The following SCARB1 variants were observed in gnomAD, a reference collection of about 807,000 sequenced individuals.
SCARB1 encodes scavenger receptor class B member 1.
In SCARB1, 30 loss-of-function variants were observed where a neutral mutation model predicts 57.2. The observed-to-expected ratio is 0.52, with a 90% CI of 0.39 to 0.71. SCARB1 has a LOEUF of 0.71. SCARB1 is among the 30% of genes least tolerant of loss of function. The pLI, the probability that SCARB1 is intolerant of heterozygous loss-of-function variation, is 0.00. For synonymous variants in SCARB1, 249 were observed against 268.3 expected (o/e 0.93, Z 0.70); for missense variants, 543 against 671.2 (o/e 0.81, Z 2.11).
At chr12:124,781,140 C>T (rs1437436247) in intron 12 of SCARB1, among the ~76,000 whole-genome samples, 2 of 152,234 alleles carry the variant, frequency 1.3e-5, no homozygotes, top group Non-Finnish European at 2.9e-5. Context: ...ACAGGAAGGG[C>T]GCCCCAGAGC....
At chr12:124,838,724 G>A (rs1320422124) in intron 1 of SCARB1, among the ~76,000 whole-genome samples, 1 of 150,384 alleles carries the variant, frequency 6.6e-6, no homozygotes, top group African/African-American at 2.4e-5. Context: ...GTTAAACCCT[G>A]CCACAGTTTT....
intron 1 of SCARB1, among the ~76,000 whole-genome samples, chr12:124,852,444 C>T (rs907039559): frequency 3.9e-5 from 6 of 152,212 alleles, no homozygotes; most frequent in African/African-American, 1.2e-4. Context: ...CGGAGAAACA[C>T]GCCCGGCAGG....
chr12:124,824,674 C>A (rs542593579), intron 1 of SCARB1, among the ~76,000 whole-genome samples: 34 of 152,294 alleles, frequency 2.2e-4, no homozygotes, highest in Admixed American at 4.6e-4. Flanking sequence ...CTGTGCACAG[C>A]GGGGGTCAGG....
chr12:124,790,554 C>G (rs1949688137), intron 9 of SCARB1, among the ~76,000 whole-genome samples: 1 of 152,192 alleles, frequency 6.6e-6, no homozygotes, highest in Non-Finnish European at 1.5e-5. Flanking sequence ...TCCTTTCAGA[C>G]TTCAGACTCC....
At chr12:124,815,836 A>G (rs749390127) in intron 2 of SCARB1, among the ~76,000 whole-genome samples, 1 of 152,180 alleles carries the variant, frequency 6.6e-6, no homozygotes, top group Non-Finnish European at 1.5e-5. Context: ...ACCGCACTCC[A>G]ACCTGGGTGA....
intron 2 of SCARB1, among the ~76,000 whole-genome samples, chr12:124,815,586 T>C (rs1950680099): frequency 6.6e-6 from 1 of 152,094 alleles, no homozygotes; most frequent in Non-Finnish European, 1.5e-5. Context: ...GGAAATCAGG[T>C]CGGGAGCAGT....
intron 1 of SCARB1, among the ~76,000 whole-genome samples, 185 bp downstream of exon 1, chr12:124,863,410 G>C (rs1045468990): frequency 6.6e-6 from 1 of 152,180 alleles, no homozygotes; most frequent in East Asian, 1.9e-4. Context: ...GGGGCGGTGA[G>C]GGTGGTGGGG....
chr12:124,811,598 A>G (rs909085512), intron 5 of SCARB1, among the ~76,000 whole-genome samples: 5 of 152,166 alleles, frequency 3.3e-5, no homozygotes, highest in Admixed American at 2.6e-4. Flanking sequence ...GTAAGTAAAG[A>G]ATCGAAAGGA....
chr12:124,780,626 C>G (rs983655491), intron 12 of SCARB1, among the ~76,000 whole-genome samples: 3 of 152,230 alleles, frequency 2.0e-5, no homozygotes, highest in African/African-American at 7.2e-5. Context: ...CTGGGCTGGG[C>G]TCCAGACCTT....
chr12:124,779,914 T>C (rs1186116254), intron 12 of SCARB1, among the ~76,000 whole-genome samples: 1 of 152,102 alleles, frequency 6.6e-6, no homozygotes, highest in African/African-American at 2.4e-5. Flanking sequence ...CACCACCCAC[T>C]GAGGCAGCAC....
chr12:124,799,576 C>T (rs1208834022), intron 8 of SCARB1, among the ~76,000 whole-genome samples: 1 of 151,846 alleles, frequency 6.6e-6, no homozygotes, highest in Non-Finnish European at 1.5e-5. Flanking sequence ...CCACAAGTGC[C>T]CACCCAGGAA....
intron 1 of SCARB1, among the ~76,000 whole-genome samples, chr12:124,848,536 T>C (rs569967756): frequency 3.0e-4 from 46 of 152,328 alleles, no homozygotes; most frequent in Middle Eastern, 3.4e-3. Flanking sequence ...TCCTTGTCCT[T>C]AGGATGCACC....
intron 11 of SCARB1, chr12:124,784,514 G>T (rs1182650084): frequency 6.6e-6 from 1 of 152,300 alleles, no homozygotes; most frequent in South Asian, 2.1e-4. Context: ...GAAAGCCAAG[G>T]TGAAGAACCA....
Position 124,789,069 on chromosome 12 carries a change from C to A in SCARB1, c.1203-1612G>T, listed in dbSNP as rs555386785. Among the ~76,000 whole-genome samples, 6 of 152,074 alleles carry A rather than the reference C, an allele frequency of 3.9e-5. No individual in the cohort carries two copies. The highest frequency in any genetic ancestry group is 4.8e-5 in the African/African-American group (2 of 41,400). On this transcript the variant is annotated intron_variant, in intron 9 of 12. Coordinates refer to ENST00000261693, the MANE Select transcript of SCARB1 (RefSeq NM_005505.5). The surrounding 1 kb of genome is among the most constrained non-coding windows in gnomAD (Gnocchi z 4.4). ...ATTACCTGTGAAGTTAAAACTTACA[C>A]GTCAAGTTAAAAAGATAATAAAATC...
rs1309590930 is a variant in SCARB1 at position 124,800,531 on chromosome 12, G to A, written c.1010-289C>T. On this transcript the variant is annotated intron_variant, in intron 7 of 12. Coordinates refer to ENST00000261693, the MANE Select transcript of SCARB1 (RefSeq NM_005505.5). This position sits in a 1 kb window ranked among gnomAD's most constrained non-coding sequence, Gnocchi z 4.8. ...GAGCCAGGTGAAGGATGCCCGGGAA[G>A]CGCATTCCAGGTGGAAGGGAAGGCA... Among the ~76,000 whole-genome samples, 1 of 152,220 alleles carries A rather than the reference G, an allele frequency of 6.6e-6. No homozygotes were observed. The highest frequency in any genetic ancestry group is 1.5e-5 in the Non-Finnish European group (1 of 68,040).
intron 1 of SCARB1, among the ~76,000 whole-genome samples, chr12:124,843,680 T>C (rs1425558767): frequency 1.3e-5 from 2 of 152,010 alleles, no homozygotes; most frequent in Non-Finnish European, 2.9e-5. Context: ...GATCCCAAGA[T>C]GAGATCATCC....
chr12:124,789,479 G>C lies in SCARB1; in HGVS notation c.1203-2022C>G, dbSNP rs1465636863. ...CGAAGGGGACCGTGCAGACATGACT[G>C]CATCAAGGCTCTCAGATGGGGAGAG... On this transcript the variant is annotated intron_variant, in intron 9 of 12. Transcript: ENST00000261693. This position sits in a 1 kb window ranked among gnomAD's most constrained non-coding sequence, Gnocchi z 4.4. Among the ~76,000 whole-genome samples, 17 of 152,150 alleles carry C rather than the reference G, an allele frequency of 1.1e-4. No individual in the cohort carries two copies.
chr12:124,837,530 A>AAAAG lies in SCARB1; in HGVS notation c.127-19827_127-19824dup, dbSNP rs200355444. Among the ~76,000 whole-genome samples, 353 of 98,766 alleles carry AAAAG rather than the reference A, an allele frequency of 3.6e-3. 10 individuals carry two copies. The highest frequency in any genetic ancestry group is 6.4e-3 in the African/African-American group (148 of 23,278). The allele number at this position is 98,766 out of a possible 152,430, so 64.8% of individuals were successfully genotyped here. A position where few individuals can be genotyped will look rare whatever the true frequency, so the allele number is the denominator to read the frequency against. On this transcript the variant is annotated intron_variant, in intron 1 of 12. Coordinates refer to ENST00000261693, the MANE Select transcript of SCARB1 (RefSeq NM_005505.5). ...GAGAAAAAAGAAAAGAAAGGAAAGAAAAAGAAAGAAAAGAAAAGAAAAGAA... is the reference window on the plus strand; with the variant it reads ...GAGAAAAAAGAAAAGAAAGGAAAGAAAAAGAAAGAAAGAAAAGAAAAGAAAAGAA...
intron 1 of SCARB1, among the ~76,000 whole-genome samples, chr12:124,840,338 C>T (rs899131184): frequency 2.6e-5 from 4 of 152,094 alleles, no homozygotes; most frequent in Non-Finnish European, 4.4e-5. Context: ...CCACCACACC[C>T]GGCTAATTTT....
Sources: gnomAD v4.1 joint callset for allele counts (sites outside exome capture counted in the v4.1 genomes callset) on GRCh38, gnomAD v4.1.1 for gene constraint, Gnocchi (gnomAD v3.1) non-coding constraint, MANE v1.5 for transcripts, NCBI Gene and HGNC (gene_info 2026-07-23, HGNC 2026-07-21) for gene names.